The following NSUN6 variants were observed in gnomAD, a reference collection of about 807,000 sequenced individuals.
The protein encoded by NSUN6 is tRNA (cytosine(72)-C(5))-methyltransferase NSUN6.
Under a neutral mutation model 58.0 loss-of-function variants are expected in NSUN6, and 64 were observed. The observed-to-expected ratio is 1.10, with a 90% CI of 0.90 to 1.36. The LOEUF is 1.36. Among genes scored for constraint, NSUN6 ranks in the 40% most tolerant of loss-of-function variants. NSUN6 has a pLI of 0.00. For synonymous variants in NSUN6, 231 were observed against 193.9 expected (o/e 1.19, Z -1.59); for missense variants, 701 against 550.1 (o/e 1.27, Z -2.74).
intron 8 of NSUN6, among the ~76,000 whole-genome samples, chr10:18,579,699 T>C (rs765134861): frequency 3.3e-5 from 5 of 152,148 alleles, no homozygotes; most frequent in Non-Finnish European, 7.3e-5. Context: ...ATGTGTAAAA[T>C]GTACACTGGT....
At chr10:18,624,433 T>A (rs1368961557) in intron 3 of NSUN6, among the ~76,000 whole-genome samples, 1 of 151,578 alleles carries the variant, frequency 6.6e-6, no homozygotes, top group Admixed American at 6.6e-5. Flanking sequence ...CCCAGCACTT[T>A]GGGAGGCTGA....
upstream of NSUN6, among the ~76,000 whole-genome samples, chr10:18,653,958 G>A (rs1156995085): frequency 6.6e-6 from 1 of 152,242 alleles, no homozygotes; most frequent in Non-Finnish European, 1.5e-5. Context: ...TTAGTTTGTG[G>A]AACTCCAAAG....
chr10:18,651,563 G>A lies in NSUN6; in HGVS notation c.-360C>T, dbSNP rs2059706913. 2.0e-6 allele frequency: 2 copies of A among 1,001,474 alleles called. No individual in the cohort carries two copies. The highest frequency in any genetic ancestry group is 2.4e-6 in the Non-Finnish European group (2 of 840,760). The allele number at this position is 1,001,474 out of a possible 1,614,324, so 62.0% of individuals were successfully genotyped here. A position where few individuals can be genotyped will look rare whatever the true frequency, so the allele number is the denominator to read the frequency against. ...AGATCAGTAAGCCAGGCTGACAGCAGCTCGGTCCCTTTATCTTTTCTATCA... is the reference window on the plus strand; with the variant it reads ...AGATCAGTAAGCCAGGCTGACAGCAACTCGGTCCCTTTATCTTTTCTATCA... On this transcript the variant is annotated 5_prime_UTR_variant, in exon 1 of 11. Transcript: ENST00000377304.
intron 7 of NSUN6, among the ~76,000 whole-genome samples, chr10:18,587,930 T>A (rs1309363177): frequency 6.6e-6 from 1 of 151,842 alleles, no homozygotes; most frequent in Non-Finnish European, 1.5e-5. Context: ...GACAGAACCG[T>A]TTACTCCCCT....
intron 9 of NSUN6, among the ~76,000 whole-genome samples, chr10:18,551,230 C>G (rs1325117610): frequency 7.8e-6 from 1 of 128,938 alleles, no homozygotes; most frequent in African/African-American, 3.1e-5. Context: ...ATATTTAAAA[C>G]TAGGTCCTCT....
chr10:18,587,744 AG>A (rs922822960), intron 7 of NSUN6, among the ~76,000 whole-genome samples: 1 of 152,138 alleles, frequency 6.6e-6, no homozygotes, highest in Non-Finnish European at 1.5e-5. Flanking sequence ...TGTGCTACCC[AG>A]GCTGGGTACT....
chr10:18,620,519 T>C (rs981462957), intron 3 of NSUN6, among the ~76,000 whole-genome samples: 4 of 152,306 alleles, frequency 2.6e-5, no homozygotes, highest in East Asian at 1.9e-4. Flanking sequence ...TGAAAACAAA[T>C]AGCCAAACCT....
chr10:18,586,069 T>G lies in NSUN6; in HGVS notation c.802A>C (p.Ile268Leu), dbSNP rs572006340. 2 of 1,606,634 alleles carry G rather than the reference T, an allele frequency of 1.2e-6. No homozygotes were observed. The highest frequency in any genetic ancestry group is 2.2e-5 in the South Asian group (2 of 89,424). ...DQGEVIALDK[I>L]FNKVEKIKQN... ...TTGATTTTTTCTACTTTGTTGAAGA[T>G]TTTATCCAGTGCTATAACTTCTCCC... The change falls in exon 8 of 11, where the codon ATC becomes CTC. Residue 268 changes from isoleucine to leucine, a missense_variant. By Grantham distance (5) the Ile-to-Leu change is conservative. Transcript: ENST00000377304.
intron 3 of NSUN6, among the ~76,000 whole-genome samples, chr10:18,619,887 G>A (rs2058541106): frequency 1.3e-5 from 2 of 151,702 alleles, no homozygotes; most frequent in Admixed American, 6.6e-5. Flanking sequence ...CTGTGTGTGT[G>A]GTATCACACA....
chr10:18,565,562 C>T (rs2055864187), intron 8 of NSUN6, among the ~76,000 whole-genome samples: 1 of 150,622 alleles, frequency 6.6e-6, no homozygotes, highest in South Asian at 2.1e-4. Context: ...CATTCCATTC[C>T]AATCCATTCT....
At chr10:18,563,153 A>G (rs993099164) in intron 8 of NSUN6, among the ~76,000 whole-genome samples, 3 of 151,016 alleles carry the variant, frequency 2.0e-5, no homozygotes, top group African/African-American at 7.3e-5. Context: ...TGGAGAGTGG[A>G]ACAAAATGGA....
intron 8 of NSUN6, among the ~76,000 whole-genome samples, chr10:18,553,273 T>C (rs1015625589): frequency 1.3e-5 from 2 of 151,758 alleles, no homozygotes; most frequent in African/African-American, 4.8e-5. Flanking sequence ...CTCCATACCA[T>C]TCCATTCTCT....
intron 6 of NSUN6, among the ~76,000 whole-genome samples, chr10:18,607,145 T>G (rs2058076267): frequency 6.6e-6 from 1 of 152,210 alleles, no homozygotes; most frequent in African/African-American, 2.4e-5. Flanking sequence ...TCTCACATGA[T>G]GTACTTTCAG....
intron 3 of NSUN6, among the ~76,000 whole-genome samples, chr10:18,621,374 G>C (rs898376373): frequency 5.3e-5 from 8 of 152,192 alleles, no homozygotes; most frequent in Non-Finnish European, 1.2e-4. Flanking sequence ...GTAAGTACAA[G>C]TATGTGCTGA....
At chr10:18,620,721 T>A (rs1344163000) in intron 3 of NSUN6, among the ~76,000 whole-genome samples, 1 of 152,204 alleles carries the variant, frequency 6.6e-6, no homozygotes, top group Admixed American at 6.5e-5. Context: ...TCCTTCCTAT[T>A]CTATGCTCCA....
intron 8 of NSUN6, among the ~76,000 whole-genome samples, chr10:18,557,840 G>T (rs568466708): frequency 6.0e-5 from 9 of 151,068 alleles, no homozygotes; most frequent in Non-Finnish European, 1.2e-4. Context: ...GGATTAAATA[G>T]AATGGAAAAT....
chr10:18,554,591 T>C (rs973263167), intron 8 of NSUN6, among the ~76,000 whole-genome samples: 4 of 148,752 alleles, frequency 2.7e-5, no homozygotes, highest in African/African-American at 7.4e-5. Flanking sequence ...GAACAGAGAA[T>C]GGAATGGACT....
At chr10:18,600,952 ATATATATACATATATATATATATATG>A (rs1564784885) in intron 6 of NSUN6, among the ~76,000 whole-genome samples, 5 of 92,510 alleles carry the variant, frequency 5.4e-5, no homozygotes, top group African/African-American at 8.3e-5. Flanking sequence ...ATATATATAT[ATATATATACATATATATATATATATG>A]TATATATATA....
chr10:18,623,463 T>G (rs909657832), intron 3 of NSUN6, among the ~76,000 whole-genome samples: 1 of 152,170 alleles, frequency 6.6e-6, no homozygotes, highest in Non-Finnish European at 1.5e-5. Flanking sequence ...CCAAACCTAG[T>G]TTCTCAGCAC....
Sources: gnomAD v4.1 joint callset for allele counts (sites outside exome capture counted in the v4.1 genomes callset) on GRCh38, gnomAD v4.1.1 for gene constraint, MANE v1.5 for transcripts, NCBI Gene and HGNC (gene_info 2026-07-23, HGNC 2026-07-21) for gene names.